The following UBAC2 variants were observed in gnomAD, a reference collection of about 807,000 sequenced individuals.
UBAC2 encodes the protein ubiquitin-associated domain-containing protein 2.
Under a neutral mutation model 44.0 loss-of-function variants are expected in UBAC2, and 26 were observed. The ratio of observed to expected loss-of-function variants is 0.59; its 90% CI spans 0.43 to 0.82. The LOEUF is 0.82. UBAC2 is among the 40% of genes least tolerant of loss of function. The probability of loss-of-function intolerance (pLI) is 0.00; values close to 1 mark genes in which losing one functional copy is unlikely to be tolerated. For missense variants in UBAC2, 329 were observed against 419.4 expected, an observed-to-expected ratio of 0.78 and a Z score of 1.88; for synonymous variants, 155 against 154.3, an observed-to-expected ratio of 1.00 and a Z score of -0.04.
intron 1 of UBAC2, among the ~76,000 whole-genome samples, chr13:99,208,164 A>AT (rs2042896539): frequency 6.6e-6 from 1 of 151,834 alleles, no homozygotes. Context: ...CGCCTGGCTA[A>AT]TTTTGTATTT....
At chr13:99,209,499 G>A (rs2142651000) in intron 1 of UBAC2, among the ~76,000 whole-genome samples, 1 of 152,224 alleles carries the variant, frequency 6.6e-6, no homozygotes, top group East Asian at 1.9e-4. Context: ...TCTGTTTGTG[G>A]GCCAGGAACT....
At chr13:99,204,722 C>T (rs1444081964) in intron 1 of UBAC2, among the ~76,000 whole-genome samples, 2 of 151,902 alleles carry the variant, frequency 1.3e-5, no homozygotes, top group African/African-American at 4.8e-5. Context: ...TCCAGAAAAG[C>T]TCATCCAGTA....
intron 1 of UBAC2, among the ~76,000 whole-genome samples, chr13:99,227,978 G>A (rs2043129637): frequency 6.6e-6 from 1 of 152,208 alleles, no homozygotes; most frequent in Non-Finnish European, 1.5e-5. Flanking sequence ...GCTGGTCAGT[G>A]GAGAGTGTCA....
intron 7 of UBAC2, among the ~76,000 whole-genome samples, chr13:99,359,042 G>A (rs2045228781): frequency 6.6e-6 from 1 of 152,144 alleles, no homozygotes; most frequent in Non-Finnish European, 1.5e-5. Flanking sequence ...TCCCCACATG[G>A]AACCTTCAAG....
chr13:99,244,279 T>C (rs1018413159), intron 3 of UBAC2, among the ~76,000 whole-genome samples: 1 of 152,184 alleles, frequency 6.6e-6, no homozygotes, highest in Non-Finnish European at 1.5e-5. Context: ...TCAACATACT[T>C]AAAAATTATG....
At chr13:99,334,387 C>T (rs1436135915) in intron 6 of UBAC2, among the ~76,000 whole-genome samples, 2 of 152,180 alleles carry the variant, frequency 1.3e-5, no homozygotes, top group Non-Finnish European at 2.9e-5. Context: ...GAAATTCCAA[C>T]TTTAAGCAAA....
intron 7 of UBAC2, among the ~76,000 whole-genome samples, chr13:99,361,869 C>T (rs1350301073): frequency 2.6e-5 from 4 of 152,122 alleles, no homozygotes. Context: ...CAATGGTGCA[C>T]ATCTATAGTC....
chr13:99,340,408 C>T lies in UBAC2; in HGVS notation c.650C>T (p.Thr217Ile), dbSNP rs2044867659. Residue 217 changes from threonine to isoleucine, a missense_variant, in exon 7 of 9, where the codon ACA becomes ATA. By Grantham distance (89) the Thr-to-Ile change is moderately conservative. Coordinates refer to ENST00000403766, the MANE Select transcript of UBAC2 (RefSeq NM_001144072.2). ...PSWMAKFFSWTLEPIFSSSEP... is the reference protein window; with the variant it reads ...PSWMAKFFSWILEPIFSSSEP... ...TGGATGGCAAAATTCTTTTCTTGGACACTTGAACCCATCTTCTCTTCTTCA... is the reference window on the plus strand; with the variant it reads ...TGGATGGCAAAATTCTTTTCTTGGATACTTGAACCCATCTTCTCTTCTTCA... 6.2e-7 allele frequency: 1 copy of T among 1,614,200 alleles called. No individual in the cohort carries two copies. Among genetic ancestry groups the T allele is most frequent in the Non-Finnish European group, 8.5e-7 (1 of 1,180,034 alleles).
chr13:99,261,916 G>C (rs1028596954), intron 4 of UBAC2, among the ~76,000 whole-genome samples: 4 of 152,112 alleles, frequency 2.6e-5, no homozygotes, highest in African/African-American at 4.8e-5. Flanking sequence ...TGAGGCTTCA[G>C]TTACCTTCAG....
chr13:99,205,306 A>T lies in UBAC2; in HGVS notation c.31+4367A>T, dbSNP rs1189756694. ...GAAGATACAGACAGGAATGAGTGAT[A>T]GGACTGAGTTGTGAGGAGGTGAGGA... On this transcript the variant is annotated intron_variant, in intron 1 of 8. Transcript: ENST00000403766. 6.6e-5 allele frequency among the ~76,000 whole-genome samples: 10 copies of T among 152,308 alleles called. No homozygotes were observed. In the East Asian group the frequency reaches 1.9e-3, roughly 29 times the overall value.
intron 4 of UBAC2, among the ~76,000 whole-genome samples, chr13:99,277,314 T>G (rs2043896688): frequency 6.6e-6 from 1 of 151,974 alleles, no homozygotes; most frequent in African/African-American, 2.4e-5. Flanking sequence ...TCACCTGAGG[T>G]CAGGAGTTCG....
chr13:99,292,344 A>G (rs985328702), intron 4 of UBAC2, among the ~76,000 whole-genome samples: 10 of 150,448 alleles, frequency 6.6e-5, no homozygotes, highest in Non-Finnish European at 1.0e-4. Flanking sequence ...GGGTTTCACC[A>G]TGTTAGCCAG....
chr13:99,348,923 C>T (rs1188876236), intron 7 of UBAC2, among the ~76,000 whole-genome samples: 4 of 152,076 alleles, frequency 2.6e-5, no homozygotes, highest in East Asian at 3.9e-4. Flanking sequence ...TGAGATGGAA[C>T]GATCACTTGA....
intron 4 of UBAC2, among the ~76,000 whole-genome samples, chr13:99,270,957 A>G (rs1270483673): frequency 1.3e-5 from 2 of 152,194 alleles, no homozygotes; most frequent in African/African-American, 4.8e-5. Context: ...TACAAGAGCA[A>G]TCGGCTCTTT....
In UBAC2 at chr13:99,360,678, A is replaced by G. The variant is rs374421049; in HGVS notation, c.808-7109A>G. The stretch of plus-strand genomic sequence containing the variant: ...GCTTGCTCTCTTCTCCATCGTTGAA[A>G]TCATTCTCTTTTAATATTCAGCCCC... On this transcript the variant is annotated intron_variant, in intron 7 of 8. Transcript: ENST00000403766. Among the ~76,000 whole-genome samples the G allele has an allele frequency of 1.4e-3, 208 of 152,188 alleles. 2 individuals carry two copies. Among genetic ancestry groups the G allele is most frequent in the African/African-American group, 4.9e-3 (203 of 41,498 alleles).
intron 7 of UBAC2, among the ~76,000 whole-genome samples, chr13:99,345,580 C>G (rs2044962630): frequency 6.6e-6 from 1 of 152,092 alleles, no homozygotes; most frequent in African/African-American, 2.4e-5. Flanking sequence ...CCCCTGTCCT[C>G]ACCACTTTAT....
chr13:99,302,344 T>C (rs1293620872), intron 4 of UBAC2, among the ~76,000 whole-genome samples: 3 of 152,160 alleles, frequency 2.0e-5, no homozygotes, highest in Non-Finnish European at 4.4e-5. Context: ...CAGGGTTAAT[T>C]GAAATTTCAA....
In UBAC2 at chr13:99,295,588, G is replaced by A; in HGVS notation, c.390-18509G>A. 1.2e-6 allele frequency: 2 copies of A among 1,613,982 alleles called. No homozygotes were observed. The highest frequency in any genetic ancestry group is 2.2e-5 in the South Asian group (2 of 91,084). On this transcript the variant is annotated intron_variant, in intron 4 of 8. Coordinates refer to ENST00000403766, the MANE Select transcript of UBAC2 (RefSeq NM_001144072.2). The surrounding 1 kb of genome is among the most constrained non-coding windows in gnomAD (Gnocchi z 4.1). ...AGGGAAGAGATTTAGTTTCTTCAAA[G>A]TTTGGATACTCCATGCATGTAATCC...
chr13:99,307,107 T>C (rs992903116), intron 4 of UBAC2, among the ~76,000 whole-genome samples: 1 of 152,202 alleles, frequency 6.6e-6, no homozygotes, highest in Non-Finnish European at 1.5e-5. Flanking sequence ...CCCTATTTTT[T>C]GACAAAGATA....
Sources: allele counts gnomAD v4.1 joint callset (sites outside exome capture counted in the v4.1 genomes callset), GRCh38; gene constraint gnomAD v4.1.1; non-coding constraint Gnocchi (gnomAD v3.1); transcripts MANE v1.5; gene names NCBI Gene and HGNC (gene_info 2026-07-23, HGNC 2026-07-21).